Variants in SOX6 observed in about 807,000 individuals in gnomAD.
SOX6 encodes the protein transcription factor SOX-6.
Under a neutral mutation model 97.8 loss-of-function variants are expected in SOX6, and 11 were observed. The observed-to-expected ratio is 0.11, with a 90% confidence interval of 0.07 to 0.19. The LOEUF is 0.19. SOX6 is among the 10% of genes least tolerant of loss of function. The pLI, the probability that SOX6 is intolerant of heterozygous loss-of-function variation, is 1.00. For synonymous variants in SOX6, 360 were observed against 371.4 expected, an observed-to-expected ratio of 0.97 and a Z score of 0.35; for missense variants, 810 against 1,039.5, an observed-to-expected ratio of 0.78 and a Z score of 3.04.
At chr11:16,058,733 C>T (rs1329617616) in intron 9 of SOX6, among the ~76,000 whole-genome samples, 2 of 151,976 alleles carry the variant, frequency 1.3e-5, no homozygotes, top group African/African-American at 2.4e-5. Flanking sequence ...TGCAGATTTC[C>T]TGATTTTCAC....
intron 4 of SOX6, among the ~76,000 whole-genome samples, chr11:16,206,300 A>G (rs1852070812): frequency 6.6e-6 from 1 of 152,186 alleles, no homozygotes; most frequent in Non-Finnish European, 1.5e-5. Flanking sequence ...TATATTTACA[A>G]AAGACCTCTG....
intron 4 of SOX6, among the ~76,000 whole-genome samples, chr11:16,485,680 G>A (rs919320297): frequency 1.3e-5 from 2 of 149,020 alleles, no homozygotes; most frequent in Admixed American, 6.7e-5. Context: ...GCAGTGAGCC[G>A]AGATCTTGCC....
At chr11:16,221,755 T>C (rs556524901) in intron 4 of SOX6, among the ~76,000 whole-genome samples, 157 of 152,232 alleles carry the variant, frequency 1.0e-3, no homozygotes, top group African/African-American at 3.7e-3. Flanking sequence ...TCTGATGAGA[T>C]TGGTGGTGAT....
intron 9 of SOX6, among the ~76,000 whole-genome samples, chr11:16,083,431 C>T (rs2133958263): frequency 6.6e-6 from 1 of 152,234 alleles, no homozygotes; most frequent in East Asian, 1.9e-4. Flanking sequence ...CTTTTAATGC[C>T]TTACTTTGTT....
At chr11:16,143,420 A>T (rs1850201946) in intron 6 of SOX6, among the ~76,000 whole-genome samples, 1 of 152,214 alleles carries the variant, frequency 6.6e-6, no homozygotes, top group African/African-American at 2.4e-5. Flanking sequence ...AAGATCATCA[A>T]GGCTAGGAAG....
chr11:16,071,834 C>T (rs1162871752), intron 9 of SOX6, among the ~76,000 whole-genome samples: 1 of 151,864 alleles, frequency 6.6e-6, no homozygotes, highest in African/African-American at 2.4e-5. Flanking sequence ...TCCTTCAAGA[C>T]CCAGACTAGA....
intron 6 of SOX6, among the ~76,000 whole-genome samples, chr11:16,132,564 G>A (rs1048518371): frequency 1.3e-5 from 2 of 151,914 alleles, no homozygotes; most frequent in Non-Finnish European, 2.9e-5. Context: ...TTTCTCTTTT[G>A]TGGGTAAAGG....
intron 4 of SOX6, among the ~76,000 whole-genome samples, chr11:16,502,496 A>C (rs978610128): frequency 6.6e-5 from 10 of 152,142 alleles, no homozygotes; most frequent in Middle Eastern, 3.2e-3. Context: ...TCAGGAGAGA[A>C]ATGAGAAATT....
chr11:16,024,050 T>A (rs1033749524), intron 12 of SOX6, among the ~76,000 whole-genome samples: 1 of 152,104 alleles, frequency 6.6e-6, no homozygotes, highest in Admixed American at 6.6e-5. Flanking sequence ...TAGGTTAAAA[T>A]GAGGCTCTTA....
At chr11:16,065,162 A>G (rs1351263299) in intron 9 of SOX6, among the ~76,000 whole-genome samples, 3 of 152,156 alleles carry the variant, frequency 2.0e-5, no homozygotes, top group Non-Finnish European at 4.4e-5. Flanking sequence ...AAATACGTTC[A>G]GCAAAGTTGC....
chr11:16,210,791 T>G (rs1852199710), intron 4 of SOX6, among the ~76,000 whole-genome samples: 1 of 152,198 alleles, frequency 6.6e-6, no homozygotes, highest in Admixed American at 6.5e-5. Context: ...CGACACATAC[T>G]GTTTTCATGC....
intron 13 of SOX6, among the ~76,000 whole-genome samples, chr11:16,007,723 C>G (rs529083647): frequency 6.6e-5 from 10 of 152,194 alleles, no homozygotes; most frequent in Non-Finnish European, 2.9e-5. Flanking sequence ...AGAGAAGAAT[C>G]TGGGCAAGGT....
At chr11:16,278,075 C>T (rs945640002) in intron 3 of SOX6, among the ~76,000 whole-genome samples, 2 of 152,120 alleles carry the variant, frequency 1.3e-5, no homozygotes, top group Admixed American at 6.6e-5. Flanking sequence ...CAACAATGAA[C>T]AATCCAGGCA....
chr11:16,102,608 C>T (rs572634543), intron 7 of SOX6, among the ~76,000 whole-genome samples: 49 of 152,020 alleles, frequency 3.2e-4, no homozygotes, highest in South Asian at 1.0e-3. Context: ...GGAGGCACCA[C>T]ATTACCTGAC....
intron 1 of SOX6, among the ~76,000 whole-genome samples, chr11:16,384,170 A>T (rs1026767596): frequency 6.6e-6 from 1 of 151,702 alleles, no homozygotes; most frequent in Non-Finnish European, 1.5e-5. Flanking sequence ...AATGAAATAT[A>T]GGTTATTTTA....
intron 15 of SOX6, among the ~76,000 whole-genome samples, chr11:15,978,974 G>A (rs1437591232): frequency 8.6e-6 from 1 of 116,814 alleles, no homozygotes; most frequent in Non-Finnish European, 1.9e-5. Context: ...TTATATATAT[G>A]AGCATATATA....
chr11:16,098,760 C>A (rs1047473635), intron 7 of SOX6, among the ~76,000 whole-genome samples: 20 of 151,802 alleles, frequency 1.3e-4, no homozygotes, highest in Admixed American at 9.9e-4. Flanking sequence ...TGTTGTTTTG[C>A]ATGAACTTTC....
intron 4 of SOX6, among the ~76,000 whole-genome samples, chr11:16,497,061 C>T (rs1249687730): frequency 6.6e-6 from 1 of 152,214 alleles, no homozygotes; most frequent in Admixed American, 6.5e-5. Flanking sequence ...AACTGGGAGG[C>T]ACCCCCAGTA....
At chr11:16,662,423 T>G (rs1390266985) in intron 3 of SOX6, among the ~76,000 whole-genome samples, 1 of 152,232 alleles carries the variant, frequency 6.6e-6, no homozygotes, top group African/African-American at 2.4e-5. Flanking sequence ...CTCTGGTTTC[T>G]TTCAAAACAT....
Sources: allele counts gnomAD v4.1 joint callset (sites outside exome capture counted in the v4.1 genomes callset), GRCh38; gene constraint gnomAD v4.1.1; transcripts MANE v1.5; gene names NCBI Gene and HGNC (gene_info 2026-07-23, HGNC 2026-07-21).